The following SSBP3 variants were observed in gnomAD, a reference collection of about 807,000 sequenced individuals.
SSBP3 encodes the protein single stranded DNA binding protein 3, also known as single-stranded DNA-binding protein 3.
A neutral mutation model predicts 69.6 loss-of-function variants in SSBP3; 5 were observed. The ratio of observed to expected loss-of-function variants is 0.07; its 90% CI spans 0.04 to 0.15. The LOEUF is 0.15. Ranked by LOEUF, SSBP3 falls within the 10% of genes least tolerant of loss-of-function variation. The pLI is 1.00. For missense variants in SSBP3, 312 were observed against 534.0 expected (o/e 0.58, Z 4.10); for synonymous variants, 196 against 193.4 (o/e 1.01, Z -0.11).
At chr1:54,274,648 C>A (rs1403191843) in intron 5 of SSBP3, among the ~76,000 whole-genome samples, 2 of 152,164 alleles carry the variant, frequency 1.3e-5, no homozygotes, top group African/African-American at 4.8e-5. Flanking sequence ...CACCCAGCCG[C>A]CACTCCTGCT....
intron 4 of SSBP3, among the ~76,000 whole-genome samples, chr1:54,384,628 A>C (rs961175010): frequency 6.6e-6 from 1 of 152,244 alleles, no homozygotes; most frequent in Non-Finnish European, 1.5e-5. Context: ...CAAGTGCTCC[A>C]AGCTGGGAGA....
intron 4 of SSBP3, among the ~76,000 whole-genome samples, chr1:54,291,550 A>C (rs1557502289): frequency 6.6e-6 from 1 of 152,220 alleles, no homozygotes; most frequent in Non-Finnish European, 1.5e-5. Context: ...TAATTGCGCT[A>C]ATTTAGCTAA....
At chr1:54,242,960 A>G in intron 10 of SSBP3, 1 of 395,450 alleles carries the variant, frequency 2.5e-6, no homozygotes, top group Non-Finnish European at 4.5e-6. Flanking sequence ...AAAAAAAATA[A>G]AAATAAAAAT....
upstream of SSBP3, among the ~76,000 whole-genome samples, chr1:54,408,333 G>A (rs977894296): frequency 5.3e-5 from 8 of 152,120 alleles, no homozygotes; most frequent in African/African-American, 1.9e-4. Context: ...AATTTAATAG[G>A]GCTAACTTAA....
At chr1:54,265,754 G>T (rs2100790607) in intron 5 of SSBP3, among the ~76,000 whole-genome samples, 1 of 152,264 alleles carries the variant, frequency 6.6e-6, no homozygotes, top group East Asian at 1.9e-4. Flanking sequence ...AGCCACCAAG[G>T]TCCACTCCTT....
chr1:54,257,511 G>C (rs149227883), intron 6 of SSBP3, among the ~76,000 whole-genome samples: 1 of 152,080 alleles, frequency 6.6e-6, no homozygotes, highest in African/African-American at 2.4e-5. Flanking sequence ...TCTCGGTAAG[G>C]GCAAATGAAA....
At chr1:54,378,394 G>C (rs1291863167) in intron 4 of SSBP3, among the ~76,000 whole-genome samples, 1 of 152,170 alleles carries the variant, frequency 6.6e-6, no homozygotes, top group African/African-American at 2.4e-5. Context: ...ATATTTCTGG[G>C]CCACTGCACA....
intron 4 of SSBP3, among the ~76,000 whole-genome samples, chr1:54,289,226 T>C (rs1557499783): frequency 6.6e-6 from 1 of 152,116 alleles, no homozygotes; most frequent in Non-Finnish European, 1.5e-5. Flanking sequence ...GCTGACCTTC[T>C]AGCTCTGCTC....
At position 54,406,009 on chromosome 1, in the gene SSBP3, G is replaced by T. The variant is rs553704233; in HGVS notation, c.-1C>A. The stretch of plus-strand genomic sequence containing the variant: ...CCGAGCCTTTGCCTTTGGCAAACAT[G>T]GTTTGCAGGGAAGAGGGCGCCGAGC... On this transcript the variant is annotated 5_prime_UTR_variant, in exon 1 of 18. Transcript: ENST00000610401. 3.5e-5 allele frequency: 52 copies of T among 1,478,124 alleles called. 1 individual carries two copies. The South Asian group carries it at 6.4e-4, about 18-fold the overall frequency. 91.6% of individuals were successfully genotyped at this position (1,478,124 alleles called of 1,614,324 possible). A position where few individuals can be genotyped will look rare whatever the true frequency, so the allele number is the denominator to read the frequency against.
At chr1:54,277,129 T>C (rs1645302445) in intron 5 of SSBP3, among the ~76,000 whole-genome samples, 1 of 152,020 alleles carries the variant, frequency 6.6e-6, no homozygotes, top group Non-Finnish European at 1.5e-5. Flanking sequence ...TGTGACTTCA[T>C]CTCCCCATCT....
chr1:54,302,054 TG>T (rs554889180), intron 4 of SSBP3, among the ~76,000 whole-genome samples: 18 of 144,618 alleles, frequency 1.2e-4, no homozygotes, highest in African/African-American at 3.7e-4. Flanking sequence ...TGGGTGGGGG[TG>T]GGGGGGTACC....
chr1:54,227,487 G>A (rs1226041581), intron 17 of SSBP3, among the ~76,000 whole-genome samples: 2 of 152,206 alleles, frequency 1.3e-5, no homozygotes, highest in Non-Finnish European at 2.9e-5. Flanking sequence ...CCTGCCCCTT[G>A]CCCAGTGCAG....
intron 5 of SSBP3, among the ~76,000 whole-genome samples, chr1:54,266,474 G>C (rs1168980567): frequency 2.6e-5 from 4 of 152,186 alleles, no homozygotes; most frequent in Non-Finnish European, 5.9e-5. Context: ...ACAAAGACCT[G>C]ATGGCCCACA....
At chr1:54,392,908 G>GA (rs1027897487) in intron 4 of SSBP3, among the ~76,000 whole-genome samples, 1 of 152,166 alleles carries the variant, frequency 6.6e-6, no homozygotes, top group Non-Finnish European at 1.5e-5. Flanking sequence ...AGTTCCTGGG[G>GA]AAAAAACAGA....
chr1:54,228,635 T>C, intron 15 of SSBP3, 113 bp downstream of exon 15: 12 of 1,474,854 alleles, frequency 8.1e-6, no homozygotes, highest in African/African-American at 1.4e-5. Flanking sequence ...TCGTCCTGTG[T>C]GCCCAGCCAA....
chr1:54,264,470 G>A lies in SSBP3; in HGVS notation c.367-6321C>T, dbSNP rs188757508. Among the ~76,000 whole-genome samples, 324 of 152,354 alleles carry A rather than the reference G, an allele frequency of 2.1e-3. 1 individual carries two copies. The highest frequency in any genetic ancestry group is 7.6e-3 in the African/African-American group (314 of 41,584). On this transcript the variant is annotated intron_variant, in intron 5 of 17. Transcript: ENST00000610401. ...CCTGTCTAGAAGTCATGGGCTTGCT[G>A]AGAAATAAAGCTGAGACTCAAGTCC...
chr1:54,255,908 T>C (rs190079863), intron 7 of SSBP3, among the ~76,000 whole-genome samples: 2 of 152,016 alleles, frequency 1.3e-5, no homozygotes, highest in Admixed American at 6.5e-5. Flanking sequence ...CCTGTCTCTA[T>C]TATAAATACA....
chr1:54,256,179 A>G (rs1422193349), intron 7 of SSBP3, among the ~76,000 whole-genome samples: 1 of 150,938 alleles, frequency 6.6e-6, no homozygotes, highest in Non-Finnish European at 1.5e-5. Flanking sequence ...GAGAATGAAA[A>G]GCATCACACT....
At chr1:54,409,719 C>G (rs1448620130), upstream of SSBP3, among the ~76,000 whole-genome samples, 1 of 152,230 alleles carries the variant, frequency 6.6e-6, no homozygotes, top group Non-Finnish European at 1.5e-5. Context: ...CTCTCTGTCT[C>G]TCTGTCCCCC....
Sources: allele counts gnomAD v4.1 joint callset (sites outside exome capture counted in the v4.1 genomes callset), GRCh38; gene constraint gnomAD v4.1.1; transcripts MANE v1.5; gene names NCBI Gene and HGNC (gene_info 2026-07-23, HGNC 2026-07-21).